Variants in ARHGAP12 observed in about 807,000 individuals in gnomAD.
ARHGAP12 encodes Rho GTPase activating protein 12, also known as rho GTPase-activating protein 12.
ARHGAP12 carries 64 observed loss-of-function variants against 108.6 expected under a neutral mutation model. The observed-to-expected ratio is 0.59, with a 90% CI of 0.48 to 0.73. ARHGAP12 has a LOEUF of 0.73. Ranked by LOEUF, ARHGAP12 falls within the 30% of genes least tolerant of loss-of-function variation. ARHGAP12 has a pLI of 0.00. For missense variants in ARHGAP12, 940 were observed against 1,005.9 expected, an observed-to-expected ratio of 0.93 and a Z score of 0.89; for synonymous variants, 312 against 337.2, an observed-to-expected ratio of 0.93 and a Z score of 0.82.
At chr10:31,876,284 A>G (rs1837728461) in intron 3 of ARHGAP12, among the ~76,000 whole-genome samples, 1 of 152,178 alleles carries the variant, frequency 6.6e-6, no homozygotes, top group Non-Finnish European at 1.5e-5. Context: ...CTGGGAGGCC[A>G]AAGCAGGTGA....
intron 10 of ARHGAP12, chr10:31,827,094 T>TA (rs1169079377): frequency 1.3e-5 from 2 of 152,340 alleles, no homozygotes; most frequent in East Asian, 3.9e-4. Context: ...ACTGTCCACT[T>TA]ATCTACTATC....
chr10:31,820,329 A>C (rs1835358151), intron 12 of ARHGAP12, 58 bp downstream of exon 12: 1 of 1,397,820 alleles, frequency 7.2e-7, no homozygotes, highest in Admixed American at 2.2e-5. Flanking sequence ...AGCTCAAAAA[A>C]CAGAACATCC....
At chr10:31,839,748 T>A in intron 7 of ARHGAP12, 37 bp from the exon 8 acceptor site, 1 of 1,487,082 alleles carries the variant, frequency 6.7e-7, no homozygotes, top group Admixed American at 1.8e-5. Context: ...TTACTCTATT[T>A]TATATAATTA....
At chr10:31,928,466 T>A (rs1840159798) in intron 1 of ARHGAP12, among the ~76,000 whole-genome samples, 1 of 144,056 alleles carries the variant, frequency 6.9e-6, no homozygotes, top group Non-Finnish European at 1.5e-5. Context: ...CCCCTCCCCC[T>A]CGGCGCCTAA....
intron 8 of ARHGAP12, 99 bp downstream of exon 8, chr10:31,839,538 T>C (rs570300529): frequency 8.2e-7 from 1 of 1,221,220 alleles, no homozygotes; most frequent in East Asian, 2.6e-5. Flanking sequence ...TGAAATTTAA[T>C]AGAAGCTCAT....
chr10:31,877,627 C>T (rs185844795), intron 3 of ARHGAP12, among the ~76,000 whole-genome samples: 138 of 152,286 alleles, frequency 9.1e-4, no homozygotes, highest in African/African-American at 3.2e-3. Flanking sequence ...AAAGTGAAAT[C>T]GTTTTCTACA....
chr10:31,926,825 T>C (rs1840067929), intron 1 of ARHGAP12, among the ~76,000 whole-genome samples: 1 of 152,238 alleles, frequency 6.6e-6, no homozygotes, highest in African/African-American at 2.4e-5. Context: ...ACTTAATCTA[T>C]TTTCATTTGC....
chr10:31,821,982 A>G (rs1835432910), intron 11 of ARHGAP12, among the ~76,000 whole-genome samples: 1 of 152,218 alleles, frequency 6.6e-6, no homozygotes, highest in South Asian at 2.1e-4. Flanking sequence ...TTGTCATCAT[A>G]CACGCTGTAG....
At chr10:31,854,259 T>C (rs922426649) in intron 4 of ARHGAP12, 53 bp from the exon 5 acceptor site, 18 of 1,474,734 alleles carry the variant, frequency 1.2e-5, no homozygotes, top group Non-Finnish European at 1.6e-5. Context: ...TAAATATGAA[T>C]TGGTTGAAAA....
chr10:31,926,896 T>C (rs1268584953), intron 1 of ARHGAP12, among the ~76,000 whole-genome samples: 1 of 152,250 alleles, frequency 6.6e-6, no homozygotes, highest in Non-Finnish European at 1.5e-5. Context: ...TATTGATAAT[T>C]ATATATGAAC....
chr10:31,890,200 C>G (rs959861746), intron 3 of ARHGAP12, among the ~76,000 whole-genome samples: 1 of 152,006 alleles, frequency 6.6e-6, no homozygotes, highest in Non-Finnish European at 1.5e-5. Context: ...AGAGGCAGAT[C>G]CAAAATCTGA....
In ARHGAP12 at chr10:31,877,247, G is replaced by A. The variant is rs557085768; in HGVS notation, c.685-15589C>T. Among the ~76,000 whole-genome samples the A allele has an allele frequency of 1.2e-4, 19 of 152,352 alleles. No individual in the cohort carries two copies. In the South Asian group the frequency reaches 1.4e-3, roughly 12 times the overall value. On this transcript the variant is annotated intron_variant, in intron 3 of 19. Coordinates refer to ENST00000344936, the MANE Select transcript of ARHGAP12 (RefSeq NM_018287.7). Reference sequence around the variant, plus strand: ...CTTTTAACAGAACAAAGTGCTACCAGAGGAAGAAACAAGTCTGGTTATCCC... The same window carrying A: ...CTTTTAACAGAACAAAGTGCTACCAAAGGAAGAAACAAGTCTGGTTATCCC...
intron 4 of ARHGAP12, among the ~76,000 whole-genome samples, chr10:31,854,603 C>T (rs935897634): frequency 6.6e-6 from 1 of 152,120 alleles, no homozygotes; most frequent in Non-Finnish European, 1.5e-5. Context: ...GACTGAGCTC[C>T]TTCTCATGTA....
intron 2 of ARHGAP12, among the ~76,000 whole-genome samples, chr10:31,909,189 T>C (rs1198662733): frequency 1.3e-5 from 2 of 152,170 alleles, no homozygotes; most frequent in East Asian, 1.9e-4. Context: ...ACTAACCAGG[T>C]AGACACAAGA....
In ARHGAP12 at chr10:31,820,499, G is replaced by C. The variant is rs754201015; in HGVS notation, c.1531-11C>G. On this transcript the variant is annotated splice_polypyrimidine_tract_variant and intron_variant, in intron 11 of 19. Transcript: ENST00000344936. ...CTGATTACTGCCAAACTTCATTTTT[G>C]AAAAAGAAAAAAAACCTTCATGTGA... 6.5e-7 allele frequency: 1 copy of C among 1,543,156 alleles called. No individual in the cohort carries two copies. Among genetic ancestry groups the C allele is most frequent in the Non-Finnish European group, 8.7e-7 (1 of 1,148,606 alleles).
intron 4 of ARHGAP12, 86 bp downstream of exon 4, chr10:31,861,308 AG>A (rs770599327): frequency 2.7e-6 from 4 of 1,471,224 alleles, no homozygotes; most frequent in East Asian, 4.6e-5. Flanking sequence ...GCTGACAGTA[AG>A]AAACAAAACT....
At chr10:31,925,652 TAAC>T (rs1592395533) in intron 1 of ARHGAP12, among the ~76,000 whole-genome samples, 2 of 152,334 alleles carry the variant, frequency 1.3e-5, no homozygotes, top group South Asian at 2.1e-4. Context: ...CTAGATATTC[TAAC>T]AACAACCGGT....
At chr10:31,826,475 T>C in intron 10 of ARHGAP12, 90 bp from the exon 11 acceptor site, 1 of 957,912 alleles carries the variant, frequency 1.0e-6, no homozygotes, top group Non-Finnish European at 1.6e-6. Flanking sequence ...CTCTTATCAA[T>C]GTTATCTACA....
intron 3 of ARHGAP12, among the ~76,000 whole-genome samples, chr10:31,866,065 T>C (rs1837311886): frequency 6.6e-6 from 1 of 152,228 alleles, no homozygotes. Flanking sequence ...CATAGTGATT[T>C]CTATTGTTAG....
Sources: allele counts gnomAD v4.1 joint callset (sites outside exome capture counted in the v4.1 genomes callset), GRCh38; gene constraint gnomAD v4.1.1; transcripts MANE v1.5; gene names NCBI Gene and HGNC (gene_info 2026-07-23, HGNC 2026-07-21).